Variants in RABGAP1L observed in about 807,000 individuals in gnomAD.
The protein encoded by RABGAP1L is RAB GTPase activating protein 1 like.
A neutral mutation model predicts 137.7 loss-of-function variants in RABGAP1L; 63 were observed. That is an observed-to-expected ratio of 0.46 (90% CI 0.37 to 0.56). The LOEUF is 0.56. RABGAP1L is among the 20% of genes least tolerant of loss of function. The pLI is 0.00. For synonymous variants in RABGAP1L, 431 were observed against 433.7 expected, an observed-to-expected ratio of 0.99 and a Z score of 0.08; for missense variants, 1,095 against 1,244.0, an observed-to-expected ratio of 0.88 and a Z score of 1.80.
chr1:174,230,168 G>A (rs957059795), intron 3 of RABGAP1L, among the ~76,000 whole-genome samples: 2 of 148,814 alleles, frequency 1.3e-5, no homozygotes, highest in Non-Finnish European at 3.0e-5. Context: ...AACACCGCAT[G>A]TTCTCACTCA....
chr1:174,547,904 A>G (rs1283818416), intron 13 of RABGAP1L: 9 of 1,549,688 alleles, frequency 5.8e-6, no homozygotes, highest in South Asian at 3.6e-5. Flanking sequence ...GGGTCTATGA[A>G]GGTCTCCATG....
intron 11 of RABGAP1L, among the ~76,000 whole-genome samples, chr1:174,318,944 A>G (rs1354185226): frequency 1.3e-5 from 2 of 151,972 alleles, no homozygotes; most frequent in Non-Finnish European, 2.9e-5. Context: ...AAATTATTAT[A>G]CCTATTATTG....
At chr1:174,911,723 G>A (rs2149198136) in intron 19 of RABGAP1L, among the ~76,000 whole-genome samples, 1 of 152,330 alleles carries the variant, frequency 6.6e-6, no homozygotes, top group African/African-American at 2.4e-5. Context: ...CTGAGCAGTA[G>A]GAGGTGCTTA....
chr1:174,826,070 A>C (rs928041962), intron 19 of RABGAP1L, among the ~76,000 whole-genome samples: 2 of 152,016 alleles, frequency 1.3e-5, no homozygotes, highest in African/African-American at 4.8e-5. Context: ...AATAGTCCTG[A>C]GTATCTGTTG....
intron 11 of RABGAP1L, among the ~76,000 whole-genome samples, chr1:174,332,258 G>C (rs1029472839): frequency 2.0e-5 from 3 of 151,920 alleles, no homozygotes; most frequent in African/African-American, 7.3e-5. Flanking sequence ...TGTCATAAGT[G>C]GACAATCTAA....
intron 1 of RABGAP1L, among the ~76,000 whole-genome samples, chr1:174,204,737 G>A (rs78404251): frequency 0.014 from 2,143 of 152,174 alleles, 62 homozygotes; most frequent in African/African-American, 0.049. Flanking sequence ...TCCTGGGGGC[G>A]GATGTCTCCC....
chr1:174,518,964 G>T (rs1663112956), intron 13 of RABGAP1L, among the ~76,000 whole-genome samples: 1 of 151,974 alleles, frequency 6.6e-6, no homozygotes, highest in Non-Finnish European at 1.5e-5. Context: ...TTTGCTTGAG[G>T]TTTCAGAACT....
At chr1:174,535,407 A>G (rs371077394) in intron 13 of RABGAP1L, among the ~76,000 whole-genome samples, 157 of 152,270 alleles carry the variant, frequency 1.0e-3, no homozygotes, top group African/African-American at 3.4e-3. Context: ...TGCAAGAACT[A>G]CGTTATAGCC....
chr1:174,901,166 C>T (rs758131139), intron 19 of RABGAP1L, among the ~76,000 whole-genome samples: 28 of 152,124 alleles, frequency 1.8e-4, no homozygotes, highest in South Asian at 4.1e-4. Flanking sequence ...TCCTCTCTAA[C>T]CTGGCTATTC....
chr1:174,630,175 T>A (rs1472524965), intron 13 of RABGAP1L, among the ~76,000 whole-genome samples: 1 of 151,346 alleles, frequency 6.6e-6, no homozygotes, highest in Non-Finnish European at 1.5e-5. Context: ...TTTGGCTCTG[T>A]TTATATGCTG....
intron 18 of RABGAP1L, among the ~76,000 whole-genome samples, chr1:174,780,122 A>ATT (rs61220514): frequency 6.6e-6 from 1 of 151,878 alleles, no homozygotes; most frequent in African/African-American, 2.4e-5. Flanking sequence ...AAATAAATTA[A>ATT]ATAAGCCCTA....
At chr1:174,292,478 T>C (rs1024825347) in intron 10 of RABGAP1L, among the ~76,000 whole-genome samples, 5 of 151,940 alleles carry the variant, frequency 3.3e-5, no homozygotes, top group Non-Finnish European at 7.4e-5. Flanking sequence ...ATTTGAAATA[T>C]TTTCTAATTT....
At chr1:174,393,773 C>T (rs1647455946) in intron 12 of RABGAP1L, among the ~76,000 whole-genome samples, 2 of 152,030 alleles carry the variant, frequency 1.3e-5, no homozygotes, top group African/African-American at 4.8e-5. Context: ...ACAAGCTTTT[C>T]CTGGAGGTAG....
chr1:174,242,562 A>G (rs565234431), intron 5 of RABGAP1L, among the ~76,000 whole-genome samples: 2 of 152,332 alleles, frequency 1.3e-5, no homozygotes, highest in South Asian at 4.1e-4. Flanking sequence ...CTGGCGACAA[A>G]ATGGGAATTA....
chr1:174,815,798 A>G (rs867457929), intron 19 of RABGAP1L, among the ~76,000 whole-genome samples: 3 of 152,218 alleles, frequency 2.0e-5, no homozygotes, highest in Admixed American at 6.5e-5. Context: ...ATGTGACTCC[A>G]AGTTATTCTA....
intron 13 of RABGAP1L, among the ~76,000 whole-genome samples, chr1:174,506,487 T>G (rs1661826630): frequency 6.6e-6 from 1 of 152,096 alleles, no homozygotes; most frequent in African/African-American, 2.4e-5. Flanking sequence ...AATACAAAAA[T>G]CAGTTGTGTT....
intron 19 of RABGAP1L, among the ~76,000 whole-genome samples, chr1:174,814,210 G>A (rs1231186209): frequency 6.6e-6 from 1 of 152,096 alleles, no homozygotes; most frequent in Non-Finnish European, 1.5e-5. Flanking sequence ...GAAGTGCTGG[G>A]TACAACCAGA....
chr1:174,956,028 C>T (rs775506748), intron 19 of RABGAP1L, among the ~76,000 whole-genome samples: 6 of 152,122 alleles, frequency 3.9e-5, no homozygotes, highest in Non-Finnish European at 5.9e-5. Flanking sequence ...AGTTCTAATA[C>T]GTTAATTTTG....
intron 11 of RABGAP1L, among the ~76,000 whole-genome samples, chr1:174,358,581 G>C (rs957839670): frequency 6.6e-6 from 1 of 152,300 alleles, no homozygotes; most frequent in East Asian, 1.9e-4. Flanking sequence ...CAGAGTACGT[G>C]ACTGCTTCTT....
Sources: gnomAD v4.1 joint callset for allele counts (sites outside exome capture counted in the v4.1 genomes callset) on GRCh38, gnomAD v4.1.1 for gene constraint, MANE v1.5 for transcripts, NCBI Gene and HGNC (gene_info 2026-07-23, HGNC 2026-07-21) for gene names.